The following SLAIN1 variants were observed in gnomAD, a reference collection of about 807,000 sequenced individuals.
SLAIN1 encodes SLAIN family member 1.
Under a neutral mutation model 55.4 loss-of-function variants are expected in SLAIN1, and 17 were observed. That is an observed-to-expected ratio of 0.31 (90% confidence interval 0.21 to 0.46). The LOEUF (loss-of-function observed/expected upper bound fraction) is 0.46. Among genes scored for constraint, SLAIN1 ranks in the 20% least tolerant of loss-of-function variants. The probability of loss-of-function intolerance (pLI) is 1.00; values close to 1 mark genes in which losing one functional copy is unlikely to be tolerated. For missense variants in SLAIN1, 682 were observed against 785.1 expected (o/e 0.87, Z 1.57); for synonymous variants, 348 against 337.4 (o/e 1.03, Z -0.35).
chr13:77,737,118 A>T (rs190388494), intron 2 of SLAIN1, among the ~76,000 whole-genome samples: 2 of 152,026 alleles, frequency 1.3e-5, no homozygotes, highest in Non-Finnish European at 2.9e-5. Context: ...AAACATGAGT[A>T]TCTCATGCTC....
intron 4 of SLAIN1, 36 bp from the exon 5 acceptor site, chr13:77,753,167 A>T: frequency 6.5e-7 from 1 of 1,544,682 alleles, no homozygotes; most frequent in South Asian, 1.3e-5. Flanking sequence ...GTTGCATAAC[A>T]TCTGTCATTT....
chr13:77,699,332 T>G, intron 1 of SLAIN1: 1 of 218,002 alleles, frequency 4.6e-6, no homozygotes, highest in Non-Finnish European at 9.1e-6. Flanking sequence ...TAGAGAAGCC[T>G]TATTTTCTTA....
At chr13:77,743,040 C>A in intron 2 of SLAIN1, 1 of 1,297,170 alleles carries the variant, frequency 7.7e-7, no homozygotes, top group Non-Finnish European at 1.0e-6. Flanking sequence ...AGTCTCTTCT[C>A]TTCAACTGCC....
At chr13:77,713,777 C>G (rs2091177144) in intron 1 of SLAIN1, among the ~76,000 whole-genome samples, 1 of 152,080 alleles carries the variant, frequency 6.6e-6, no homozygotes, top group Non-Finnish European at 1.5e-5. Context: ...AACCCAAATG[C>G]CCATCAATAG....
chr13:77,742,108 A>G (rs1873484404), intron 2 of SLAIN1, among the ~76,000 whole-genome samples: 1 of 151,144 alleles, frequency 6.6e-6, no homozygotes, highest in South Asian at 2.1e-4. Flanking sequence ...TGTGTGTGTG[A>G]CCCCAAGAAC....
chr13:77,727,826 G>C (rs893995679), intron 2 of SLAIN1, among the ~76,000 whole-genome samples: 7 of 152,142 alleles, frequency 4.6e-5, no homozygotes, highest in African/African-American at 1.7e-4. Context: ...TGGAAATATT[G>C]GATGTGAAAT....
intron 2 of SLAIN1, among the ~76,000 whole-genome samples, chr13:77,733,184 C>G (rs1461220453): frequency 6.6e-6 from 1 of 152,144 alleles, no homozygotes; most frequent in Admixed American, 6.6e-5. Flanking sequence ...AACTCTCATT[C>G]AACAAATATT....
chr13:77,713,319 C>T (rs1189811164), intron 1 of SLAIN1, among the ~76,000 whole-genome samples: 1 of 152,028 alleles, frequency 6.6e-6, no homozygotes, highest in Non-Finnish European at 1.5e-5. Context: ...GGAACTTAAA[C>T]AAATTTACAA....
intron 1 of SLAIN1, among the ~76,000 whole-genome samples, chr13:77,717,325 C>T (rs2154409633): frequency 6.6e-6 from 1 of 152,120 alleles, no homozygotes; most frequent in Admixed American, 6.5e-5. Flanking sequence ...GTAACACTGC[C>T]CTAATAGGAT....
intron 2 of SLAIN1, among the ~76,000 whole-genome samples, chr13:77,723,977 T>A (rs1146915): frequency 6.6e-6 from 1 of 151,864 alleles, no homozygotes; most frequent in Non-Finnish European, 1.5e-5. Context: ...TGCTGCATAT[T>A]GAGTGACTTC....
intron 1 of SLAIN1, among the ~76,000 whole-genome samples, chr13:77,705,825 T>C (rs2091084020): frequency 6.6e-6 from 1 of 151,924 alleles, no homozygotes; most frequent in African/African-American, 2.4e-5. Context: ...TCATACTTCA[T>C]TGGAAACATT....
chr13:77,698,457 C>G lies in SLAIN1; in HGVS notation c.544C>G (p.Pro182Ala). 6.9e-7 allele frequency: 1 copy of G among 1,441,416 alleles called. No homozygotes were observed. Among genetic ancestry groups the G allele is most frequent in the Admixed American group, 2.6e-5 (1 of 38,168 alleles). The allele number at this position is 1,441,416 out of a possible 1,614,324, so 89.3% of individuals were successfully genotyped here. The change falls in exon 1 of 7, where the codon CCG (proline) becomes GCG (alanine). Residue 182 changes from proline to alanine, a missense_variant. Pro to Ala is a conservative substitution (Grantham distance 27). Coordinates refer to ENST00000418532, the MANE Select transcript of SLAIN1 (RefSeq NM_001242868.2). This position sits in a 1 kb window ranked among gnomAD's most constrained non-coding sequence, Gnocchi z 4.1. ...PPGAAAAPPSPPPTLLDEVEL... is the reference protein window; with the variant it reads ...PPGAAAAPPSAPPTLLDEVEL... ...AGGGGCAGCTGCAGCGCCGCCCTCG[C>G]CGCCCCCCACGCTGCTGGACGAGGT...
intron 5 of SLAIN1, among the ~76,000 whole-genome samples, chr13:77,754,579 C>G (rs916366269): frequency 6.6e-6 from 1 of 152,148 alleles, no homozygotes; most frequent in Non-Finnish European, 1.5e-5. Context: ...AGCATTCTTC[C>G]TTTTCCTTCT....
intron 1 of SLAIN1, among the ~76,000 whole-genome samples, chr13:77,718,023 G>A (rs1305401488): frequency 6.6e-6 from 1 of 151,946 alleles, no homozygotes; most frequent in Non-Finnish European, 1.5e-5. Context: ...TAGTAGGACT[G>A]AGCTGGGGCC....
chr13:77,725,353 GAC>G (rs2091298181), intron 2 of SLAIN1, among the ~76,000 whole-genome samples: 1 of 152,170 alleles, frequency 6.6e-6, no homozygotes, highest in Non-Finnish European at 1.5e-5. Context: ...AGAAATTAAA[GAC>G]ACTTCACTAA....
Position 77,746,820 on chromosome 13 carries a change from A to C in SLAIN1, c.1223A>C (p.Gln408Pro). ...CAACAGTATTATTCACCTCAAGCCCAAACTCCAGATCAGCAACCAAATAGG... is the reference window on the plus strand; with the variant it reads ...CAACAGTATTATTCACCTCAAGCCCCAACTCCAGATCAGCAACCAAATAGG... ...QQQQYYSPQAQTPDQQPNRTN... is the reference protein window; with the variant it reads ...QQQQYYSPQAPTPDQQPNRTN... Residue 408 changes from glutamine to proline, a missense_variant, in exon 4 of 7, where the codon CAA becomes CCA. Physicochemically the swap from Gln to Pro is moderately conservative, Grantham distance 76. Transcript: ENST00000418532. 6.2e-7 allele frequency: 1 copy of C among 1,613,576 alleles called. No individual in the cohort carries two copies. Among genetic ancestry groups the C allele is most frequent in the Non-Finnish European group, 8.5e-7 (1 of 1,179,654 alleles).
At chr13:77,754,839 C>T (rs151173195) in intron 5 of SLAIN1, among the ~76,000 whole-genome samples, 1 of 152,204 alleles carries the variant, frequency 6.6e-6, no homozygotes, top group East Asian at 1.9e-4. Flanking sequence ...ATTTTCTGTT[C>T]CCAGTGCCTG....
intron 3 of SLAIN1, 116 bp downstream of exon 3, chr13:77,744,548 A>G: frequency 2.0e-6 from 3 of 1,527,812 alleles, no homozygotes; most frequent in Non-Finnish European, 2.7e-6. Flanking sequence ...TCTTTCTCTC[A>G]TACTGTCCTA....
rs767649882 is a variant in SLAIN1 at position 77,698,504 on chromosome 13, C to G, written c.591C>G (p.Ser197Arg). ...AGGTGGAATTGCTGGATCTGGAGAG[C>G]GTAGCCGCCTGGCGGGACGAGGACG... ...LDEVELLDLE[S>R]VAAWRDEDDY... Residue 197 changes from serine to arginine, a missense_variant, in exon 1 of 7, where the codon AGC (serine) becomes AGG (arginine). Around this residue, in one of 3 missense-constraint regions of SLAIN1, gnomAD observed 401 missense variants for 417.3 expected, o/e 0.96. Coordinates refer to ENST00000418532, the MANE Select transcript of SLAIN1 (RefSeq NM_001242868.2). The surrounding 1 kb of genome is among the most constrained non-coding windows in gnomAD (Gnocchi z 4.1). 2 of 1,457,008 alleles carry G rather than the reference C, an allele frequency of 1.4e-6. No homozygotes were observed. The highest frequency in any genetic ancestry group is 2.7e-5 in the South Asian group (2 of 74,690). 90.3% of individuals were successfully genotyped at this position (1,457,008 alleles called of 1,614,324 possible).
Sources: gnomAD v4.1 joint callset for allele counts (sites outside exome capture counted in the v4.1 genomes callset) on GRCh38, gnomAD v4.1.1 for gene constraint, gnomAD v4.1.1 regional missense constraint, Gnocchi (gnomAD v3.1) non-coding constraint, MANE v1.5 for transcripts, NCBI Gene and HGNC (gene_info 2026-07-23, HGNC 2026-07-21) for gene names.